The following SSX2IP variants were observed in gnomAD, a reference collection of about 807,000 sequenced individuals.
SSX2IP encodes the protein SSX family member 2 interacting protein.
Under a neutral mutation model 84.9 loss-of-function variants are expected in SSX2IP, and 55 were observed. The observed-to-expected ratio is 0.65, with a 90% confidence interval of 0.52 to 0.81. The LOEUF (loss-of-function observed/expected upper bound fraction) is 0.81. Ranked by LOEUF, SSX2IP falls within the 30% of genes least tolerant of loss-of-function variation. SSX2IP has a pLI of 0.00. For missense variants in SSX2IP, 664 were observed against 705.2 expected (o/e 0.94, Z 0.66); for synonymous variants, 239 against 234.7 (o/e 1.02, Z -0.17).
rs1199086619 is a variant in SSX2IP, at chr1:84,645,918, G to A, written c.*1515C>T. ...GGTTACTATGAGTATATCCACTAATGTCTCATAAGACACTCTTAATGATAT... is the reference window on the plus strand; with the variant it reads ...GGTTACTATGAGTATATCCACTAATATCTCATAAGACACTCTTAATGATAT... On this transcript the variant is annotated 3_prime_UTR_variant, in exon 14 of 14. Coordinates refer to ENST00000342203, the MANE Select transcript of SSX2IP (RefSeq NM_001166293.2). 2 of 152,118 alleles carry A rather than the reference G, an allele frequency of 1.3e-5. No homozygotes were observed. The highest frequency in any genetic ancestry group is 6.5e-5 in the Admixed American group (1 of 15,270). The allele number at this position is 152,118 out of a possible 1,614,324, so 9.4% of individuals were successfully genotyped here. A position where few individuals can be genotyped will look rare whatever the true frequency, so the allele number is the denominator to read the frequency against.
intron 1 of SSX2IP, among the ~76,000 whole-genome samples, chr1:84,682,621 T>C (rs1380458032): frequency 6.6e-6 from 1 of 151,782 alleles, no homozygotes; most frequent in East Asian, 1.9e-4. Context: ...TCTCCTGCCT[T>C]GACCTCCCGA....
chr1:84,673,391 G>A (rs930736694), intron 1 of SSX2IP, among the ~76,000 whole-genome samples: 4 of 152,174 alleles, frequency 2.6e-5, no homozygotes, highest in Non-Finnish European at 5.9e-5. Flanking sequence ...GGATATTAAT[G>A]TGTTAACGAT....
intron 1 of SSX2IP, 30 bp from the exon 2 acceptor site, chr1:84,671,338 T>C: frequency 6.9e-7 from 1 of 1,455,496 alleles, no homozygotes; most frequent in Non-Finnish European, 9.1e-7. Flanking sequence ...AATAATAGCA[T>C]CTAATTTAAA....
chr1:84,676,235 G>A (rs562694744), intron 1 of SSX2IP, among the ~76,000 whole-genome samples: 1 of 152,152 alleles, frequency 6.6e-6, no homozygotes, highest in Non-Finnish European at 1.5e-5. Context: ...CAAAGCAAAA[G>A]TATAAAGTAA....
At position 84,645,354 on chromosome 1, in the gene SSX2IP, C is replaced by T. The variant is rs1649340903; in HGVS notation, c.*2079G>A. ...AAGTGATGTTGTTAGGTAAAATGTACAACTTCTGGATCTATGCAGACATTG... is the reference window on the plus strand; with the variant it reads ...AAGTGATGTTGTTAGGTAAAATGTATAACTTCTGGATCTATGCAGACATTG... On this transcript the variant is annotated 3_prime_UTR_variant, in exon 14 of 14. Transcript: ENST00000342203. 1 of 152,124 alleles carries T rather than the reference C, an allele frequency of 6.6e-6. No individual in the cohort carries two copies. The highest frequency in any genetic ancestry group is 1.5e-5 in the Non-Finnish European group (1 of 68,022). The allele number at this position is 152,124 out of a possible 1,614,324, so 9.4% of individuals were successfully genotyped here.
chr1:84,645,001 TTTTC>T lies in SSX2IP; in HGVS notation c.*2428_*2431del, dbSNP rs1274062358. The T allele has an allele frequency of 1.3e-5, 2 of 152,324 alleles. No individual in the cohort carries two copies. The highest frequency in any genetic ancestry group is 3.9e-4 in the East Asian group (2 of 5,188). The allele number at this position is 152,324 out of a possible 1,614,324, so 9.4% of individuals were successfully genotyped here. A position where few individuals can be genotyped will look rare whatever the true frequency, so the allele number is the denominator to read the frequency against. The stretch of plus-strand genomic sequence containing the variant: ...TGGTGAACAAAATGTTTATCTCAAT[TTTTC>T]TTTGACATTTTTATGCTTTGAAAAT... On this transcript the variant is annotated 3_prime_UTR_variant, in exon 14 of 14. Transcript: ENST00000342203.
At chr1:84,685,250 G>C (rs1457276851) in intron 1 of SSX2IP, among the ~76,000 whole-genome samples, 2 of 152,182 alleles carry the variant, frequency 1.3e-5, no homozygotes, top group Non-Finnish European at 2.9e-5. Flanking sequence ...AATGTTTTGG[G>C]TCCCAAAACC....
chr1:84,656,042 C>A (rs374579629), intron 10 of SSX2IP, 37 bp from the exon 11 acceptor site: 8 of 1,551,550 alleles, frequency 5.2e-6, no homozygotes, highest in Non-Finnish European at 7.0e-6. Flanking sequence ...TCCTGAGGGA[C>A]CTTGCGACAC....
chr1:84,662,616 G>T, intron 6 of SSX2IP, 86 bp from the exon 7 acceptor site: 1 of 1,442,314 alleles, frequency 6.9e-7, no homozygotes, highest in Non-Finnish European at 9.5e-7. Context: ...CGTAAGTGGT[G>T]AAAGTGAACC....
At position 84,659,003 on chromosome 1, in the gene SSX2IP, A is replaced by G. The variant is rs536776065; in HGVS notation, c.928-535T>C. Among the ~76,000 whole-genome samples, 16 of 152,268 alleles carry G rather than the reference A, an allele frequency of 1.1e-4. No homozygotes were observed. The East Asian group carries it at 1.3e-3, about 13-fold the overall frequency. On this transcript the variant is annotated intron_variant, in intron 8 of 13. Transcript: ENST00000342203. ...TTTTCTTTGTATTCTGCCAAACATG[A>G]AATCATAAAGAAGTAGCAAACTTTA... is the stretch of plus-strand genomic sequence containing the variant.
rs774973811 is a variant in SSX2IP, at chr1:84,658,436, T to C, written c.960A>G (p.Glu320=). The C allele has an allele frequency of 3.7e-6, 6 of 1,614,100 alleles. No homozygotes were observed. The South Asian group carries it at 6.6e-5, about 18-fold the overall frequency. ...GGTCCCACATACTCTCTCTGCTTAG[T>C]TCCCCGGCATCTTCTTCAACATCGG... ...VISDVEEDAG[E]LSRESMWDLS... is the part of the protein sequence containing the mutation. Residue 320 remains glutamate, a synonymous_variant, in exon 9 of 14, where the codon GAA becomes GAG. Coordinates refer to ENST00000342203, the MANE Select transcript of SSX2IP (RefSeq NM_001166293.2).
chr1:84,687,254 T>C (rs1655930838), intron 1 of SSX2IP, among the ~76,000 whole-genome samples: 1 of 152,222 alleles, frequency 6.6e-6, no homozygotes, highest in Non-Finnish European at 1.5e-5. Flanking sequence ...AGGATATGTG[T>C]GAAGCAAGAG....
At chr1:84,670,581 A>C in intron 3 of SSX2IP, 65 bp downstream of exon 3, 1 of 1,180,994 alleles carries the variant, frequency 8.5e-7, no homozygotes, top group Non-Finnish European at 1.2e-6. Context: ...TGTTTTTCTC[A>C]TAATTTTGAT....
intron 1 of SSX2IP, among the ~76,000 whole-genome samples, chr1:84,688,072 G>A (rs1009267480): frequency 6.6e-6 from 1 of 152,146 alleles, no homozygotes; most frequent in African/African-American, 2.4e-5. Context: ...GGTCAGGCAA[G>A]TAGCAGCTTA....
chr1:84,666,380 G>A, intron 4 of SSX2IP, 148 bp from the exon 5 acceptor site: 1 of 613,294 alleles, frequency 1.6e-6, no homozygotes, highest in Non-Finnish European at 2.8e-6. Context: ...TTATTTAAAG[G>A]AATTATTACA....
In SSX2IP at chr1:84,662,501, C is replaced by T. The variant is rs747408477; in HGVS notation, c.703G>A (p.Ala235Thr). 1 of 1,613,956 alleles carries T rather than the reference C, an allele frequency of 6.2e-7. No individual in the cohort carries two copies. The highest frequency in any genetic ancestry group is 8.5e-7 in the Non-Finnish European group (1 of 1,179,910). Reference sequence around the variant, plus strand: ...CTCCAGGAGCCTCTTTTTCCATCAGCTCTCCCGACATAATTCAAAATGTCC... The same window carrying T: ...CTCCAGGAGCCTCTTTTTCCATCAGTTCTCCCGACATAATTCAAAATGTCC... The part of the protein sequence containing the change: ...AMDILNYVGR[A>T]DGKRGSWRTG... The change falls in exon 7 of 14, where the codon GCT (alanine) becomes ACT (threonine). Residue 235 changes from alanine to threonine, a missense_variant. Transcript: ENST00000342203.
Position 84,662,367 on chromosome 1 carries a change from T to C in SSX2IP, c.758A>G (p.Asp253Gly), listed in dbSNP as rs771196195. 8.7e-6 allele frequency: 14 copies of C among 1,606,270 alleles called. No homozygotes were observed. The highest frequency in any genetic ancestry group is 1.1e-5 in the Non-Finnish European group (13 of 1,177,340). The change falls in exon 8 of 14, where the codon GAT becomes GGT. Residue 253 changes from aspartate (D) to glycine (G), a missense_variant. Coordinates refer to ENST00000342203, the MANE Select transcript of SSX2IP (RefSeq NM_001166293.2). ...RTGKTEARNE[D>G]EMYKILLNDY... is the part of the protein sequence containing the mutation. ...ATTCAAGAGAATTTTATACATTTCA[T>C]CTTCATTCCTGAGAAAGAAACTGTC...
chr1:84,652,240 C>G, intron 11 of SSX2IP: 1 of 373,372 alleles, frequency 2.7e-6, no homozygotes, highest in African/African-American at 2.0e-5. Flanking sequence ...CTAGGCAACA[C>G]GGCAAAACCC....
chr1:84,651,441 A>C (rs1650233864), intron 12 of SSX2IP, among the ~76,000 whole-genome samples: 1 of 152,146 alleles, frequency 6.6e-6, no homozygotes, highest in African/African-American at 2.4e-5. Context: ...ATTAAAGTTG[A>C]TTTTTAGGCC....
Sources: gnomAD v4.1 joint callset for allele counts (sites outside exome capture counted in the v4.1 genomes callset) on GRCh38, gnomAD v4.1.1 for gene constraint, MANE v1.5 for transcripts, NCBI Gene and HGNC (gene_info 2026-07-23, HGNC 2026-07-21) for gene names.